Variants in RSBN1 observed in about 807,000 individuals in gnomAD.
RSBN1 encodes lysine-specific demethylase 9.
A neutral mutation model predicts 74.8 loss-of-function variants in RSBN1; 23 were observed. The ratio of observed to expected loss-of-function variants is 0.31; its 90% CI spans 0.22 to 0.44. The LOEUF (loss-of-function observed/expected upper bound fraction) is 0.44, where lower values mean the gene tolerates loss of function less well. Ranked by LOEUF, RSBN1 falls within the 20% of genes least tolerant of loss-of-function variation. RSBN1 has a pLI of 1.00. For synonymous variants in RSBN1, 407 were observed against 379.6 expected (o/e 1.07, Z -0.84); for missense variants, 808 against 1,020.9 (o/e 0.79, Z 2.84).
At chr1:113,790,063 C>T (rs1660334969) in intron 2 of RSBN1, among the ~76,000 whole-genome samples, 1 of 151,592 alleles carries the variant, frequency 6.6e-6, no homozygotes, top group Admixed American at 6.6e-5. Flanking sequence ...AGATTTACTT[C>T]TAGGGAGAAA....
At chr1:113,777,142 T>C (rs1660048591) in intron 4 of RSBN1, 68 bp downstream of exon 4, 2 of 1,441,184 alleles carry the variant, frequency 1.4e-6, no homozygotes, top group Admixed American at 1.8e-5. Context: ...TTTCAAACTG[T>C]GCTCATTTTT....
chr1:113,771,726 TGGAAGCAATAAATAAAAAGATG>T (rs1183908071), intron 4 of RSBN1, among the ~76,000 whole-genome samples: 2 of 140,980 alleles, frequency 1.4e-5, no homozygotes, highest in African/African-American at 2.7e-5. Flanking sequence ...GTAAGGAGAA[TGGAAGCAATAAATAAAAAGATG>T]GGAAGCAATA....
chr1:113,806,236 G>A (rs1167027475), intron 1 of RSBN1, among the ~76,000 whole-genome samples: 1 of 151,760 alleles, frequency 6.6e-6, no homozygotes, highest in Non-Finnish European at 1.5e-5. Context: ...TCAGGAGGCT[G>A]AGGCATAAGA....
intron 2 of RSBN1, among the ~76,000 whole-genome samples, chr1:113,784,318 T>A (rs1315294169): frequency 6.6e-6 from 1 of 152,182 alleles, no homozygotes; most frequent in Admixed American, 6.5e-5. Context: ...TCACAGCTTG[T>A]ACTTACACAA....
chr1:113,785,936 C>A (rs1660234334), intron 2 of RSBN1, among the ~76,000 whole-genome samples: 1 of 152,172 alleles, frequency 6.6e-6, no homozygotes. Flanking sequence ...ACTAAAGGAT[C>A]TGAAAAGAAG....
At chr1:113,767,070 G>A (rs749746297) in intron 6 of RSBN1, 29 bp downstream of exon 6, 9 of 1,292,546 alleles carry the variant, frequency 7.0e-6, no homozygotes, top group Admixed American at 5.6e-5. Flanking sequence ...TTCTAATATC[G>A]CAAATGGTGA....
At chr1:113,794,213 C>G (rs533493093) in intron 2 of RSBN1, among the ~76,000 whole-genome samples, 1 of 152,272 alleles carries the variant, frequency 6.6e-6, no homozygotes, top group South Asian at 2.1e-4. Flanking sequence ...TCTCTAATGT[C>G]AGTACCAGTT....
chr1:113,808,041 G>T (rs139230538), intron 1 of RSBN1, among the ~76,000 whole-genome samples: 51 of 152,122 alleles, frequency 3.4e-4, no homozygotes, highest in African/African-American at 1.2e-3. Context: ...TGGAGAAAAT[G>T]GATTTCTCTT....
At chr1:113,803,525 C>T (rs1014932920) in intron 1 of RSBN1, among the ~76,000 whole-genome samples, 3 of 152,012 alleles carry the variant, frequency 2.0e-5, no homozygotes, top group Non-Finnish European at 4.4e-5. Flanking sequence ...TTGGTAAAAC[C>T]GGAGGAAAGA....
intron 1 of RSBN1, among the ~76,000 whole-genome samples, chr1:113,809,499 G>A (rs989232580): frequency 2.0e-5 from 3 of 152,260 alleles, no homozygotes; most frequent in African/African-American, 7.2e-5. Context: ...ATTAAACAAA[G>A]TTAAACCAGT....
intron 2 of RSBN1, among the ~76,000 whole-genome samples, chr1:113,784,259 C>G (rs1199420572): frequency 6.6e-6 from 1 of 152,136 alleles, no homozygotes; most frequent in Non-Finnish European, 1.5e-5. Context: ...CACCTAATGA[C>G]AGAAATACAT....
At position 113,765,832 on chromosome 1, in the gene RSBN1, G is replaced by T; in HGVS notation, c.*148C>A. ...AACTTTGCATAATCTGTGTAAAAAA[G>T]ATATGCTTGACATTTGTGGAATGTC... On this transcript the variant is annotated 3_prime_UTR_variant, in exon 7 of 7. Transcript: ENST00000261441. 1 of 645,742 alleles carries T rather than the reference G, an allele frequency of 1.5e-6. No homozygotes were observed. Among genetic ancestry groups the T allele is most frequent in the Non-Finnish European group, 2.6e-6 (1 of 379,688 alleles). The allele number at this position is 645,742 out of a possible 1,614,324, so 40.0% of individuals were successfully genotyped here.
chr1:113,793,235 C>A (rs1400603413), intron 2 of RSBN1, among the ~76,000 whole-genome samples: 2 of 152,082 alleles, frequency 1.3e-5, no homozygotes, highest in African/African-American at 4.8e-5. Flanking sequence ...CTGGTGGTGC[C>A]AAATTCATAC....
chr1:113,775,036 T>C (rs990721465), intron 4 of RSBN1, among the ~76,000 whole-genome samples: 29 of 152,164 alleles, frequency 1.9e-4, no homozygotes, highest in African/African-American at 7.0e-4. Flanking sequence ...CTTTTTTTTT[T>C]TTTTGGAGAT....
chr1:113,762,461 TACG>T lies in RSBN1; in HGVS notation c.*3516_*3518del. ...TACTTGCATGGCCAATAAATACAGC[TACG>T]ACCTGTTTGAAAAACAAAACAGATG... On this transcript the variant is annotated 3_prime_UTR_variant, in exon 7 of 7. Coordinates refer to ENST00000261441, the MANE Select transcript of RSBN1 (RefSeq NM_018364.5). The T allele has an allele frequency of 6.6e-6, 1 of 152,596 alleles. No individual in the cohort carries two copies. The highest frequency in any genetic ancestry group is 2.1e-4 in the South Asian group (1 of 4,832). The allele number at this position is 152,596 out of a possible 1,614,324, so 9.5% of individuals were successfully genotyped here.
chr1:113,803,473 T>C (rs953358909), intron 1 of RSBN1, among the ~76,000 whole-genome samples: 1 of 152,194 alleles, frequency 6.6e-6, no homozygotes, highest in African/African-American at 2.4e-5. Context: ...ATGAATGAGA[T>C]AGCATATCTT....
intron 2 of RSBN1, among the ~76,000 whole-genome samples, chr1:113,792,392 A>C (rs998818668): frequency 2.0e-5 from 3 of 152,200 alleles, no homozygotes. Flanking sequence ...TTTACTAGCA[A>C]CATCAGCATC....
chr1:113,798,148 T>C (rs1371397770), intron 1 of RSBN1, 112 bp from the exon 2 acceptor site: 1 of 878,490 alleles, frequency 1.1e-6, no homozygotes, highest in African/African-American at 1.7e-5. Flanking sequence ...CTGAATTTGC[T>C]ATTACAACTT....
intron 4 of RSBN1, among the ~76,000 whole-genome samples, chr1:113,775,675 T>C (rs1361975987): frequency 3.3e-5 from 5 of 152,140 alleles, no homozygotes; most frequent in Admixed American, 3.3e-4. Flanking sequence ...CTTAAGTTTA[T>C]AAAAATCAGG....
Sources: allele counts gnomAD v4.1 joint callset (sites outside exome capture counted in the v4.1 genomes callset), GRCh38; gene constraint gnomAD v4.1.1; transcripts MANE v1.5; gene names NCBI Gene and HGNC (gene_info 2026-07-23, HGNC 2026-07-21).